Variants in BANK1 observed in about 807,000 individuals in gnomAD.
BANK1 encodes the protein B cell scaffold protein with ankyrin repeats 1.
In BANK1, 95 loss-of-function variants were observed where a neutral mutation model predicts 94.5. The observed-to-expected ratio is 1.00, with a 90% CI of 0.85 to 1.19. The LOEUF is 1.19. Among genes scored for constraint, BANK1 ranks in the 50% most tolerant of loss-of-function variants. BANK1 has a pLI of 0.00. For missense variants in BANK1, 987 were observed against 932.2 expected (o/e 1.06, Z -0.77); for synonymous variants, 334 against 308.4 (o/e 1.08, Z -0.87).
rs191979547 is a variant in BANK1, at chr4:101,888,226, A to C, written c.904-7079A>C. Among the ~76,000 whole-genome samples, 5 of 152,362 alleles carry C rather than the reference A, an allele frequency of 3.3e-5. No individual in the cohort carries two copies. The East Asian group carries it at 7.7e-4, about 23-fold the overall frequency. Reference sequence around the variant, plus strand: ...TTCTTGGCCTACCTCCATTTATGGAAGCTAGAAAGACCAGATTCCAACATT... The same window carrying C: ...TTCTTGGCCTACCTCCATTTATGGACGCTAGAAAGACCAGATTCCAACATT... On this transcript the variant is annotated intron_variant, in intron 5 of 16. Transcript: ENST00000322953.
chr4:101,894,516 A>T (rs1373223446), intron 5 of BANK1, among the ~76,000 whole-genome samples: 1 of 151,986 alleles, frequency 6.6e-6, no homozygotes, highest in Non-Finnish European at 1.5e-5. Context: ...GACAATATTT[A>T]TAGTTTTATT....
chr4:101,860,130 A>G (rs1196409699), intron 3 of BANK1, among the ~76,000 whole-genome samples: 1 of 152,246 alleles, frequency 6.6e-6, no homozygotes, highest in Non-Finnish European at 1.5e-5. Context: ...GGAATTAAAT[A>G]TCATGCCAAC....
chr4:101,959,854 G>T (rs577661246), intron 7 of BANK1, among the ~76,000 whole-genome samples: 18 of 152,204 alleles, frequency 1.2e-4, no homozygotes, highest in African/African-American at 4.3e-4. Flanking sequence ...CATGAATTAT[G>T]GTTTAAGTTG....
chr4:102,037,765 T>C (rs1042555179), intron 10 of BANK1, among the ~76,000 whole-genome samples: 3 of 152,218 alleles, frequency 2.0e-5, no homozygotes, highest in Non-Finnish European at 4.4e-5. Flanking sequence ...TCACAGGGTT[T>C]TCATGAGAAC....
intron 2 of BANK1, among the ~76,000 whole-genome samples, chr4:101,835,165 T>C (rs1269389005): frequency 1.3e-5 from 2 of 152,236 alleles, no homozygotes. Flanking sequence ...TCTTTCCACA[T>C]TTATAGGCTT....
chr4:101,928,748 G>A (rs967724692), intron 7 of BANK1, among the ~76,000 whole-genome samples: 14 of 151,764 alleles, frequency 9.2e-5, no homozygotes, highest in Non-Finnish European at 1.6e-4. Context: ...GTTCATTACT[G>A]CAGTATTGGA....
Position 101,829,374 on chromosome 4 carries a change from T to A in BANK1, c.71-434T>A, listed in dbSNP as rs543575836. On this transcript the variant is annotated intron_variant, in intron 1 of 16. Coordinates refer to ENST00000322953, the MANE Select transcript of BANK1 (RefSeq NM_017935.5). ...TTTCTGTTTTTGACTCTCAACTAAA[T>A]ATATCGTATTTTCAACAATTGTGTT... is the stretch of plus-strand genomic sequence containing the variant. Among the ~76,000 whole-genome samples the A allele has an allele frequency of 5.5e-4, 83 of 152,224 alleles. 1 individual carries two copies. The South Asian group carries it at 8.7e-3, about 16-fold the overall frequency.
At chr4:102,014,012 G>T (rs1344959707) in intron 7 of BANK1, among the ~76,000 whole-genome samples, 8 of 152,048 alleles carry the variant, frequency 5.3e-5, no homozygotes, top group Non-Finnish European at 2.9e-5. Flanking sequence ...CATCCAGAGA[G>T]GCCAAGAGAG....
intron 7 of BANK1, among the ~76,000 whole-genome samples, chr4:101,997,477 A>G (rs888753722): frequency 5.9e-5 from 9 of 151,830 alleles, no homozygotes; most frequent in South Asian, 4.2e-4. Context: ...CTCTTTTTCT[A>G]TTGTGTGGAA....
chr4:101,920,278 A>T (rs1339542770), intron 7 of BANK1, among the ~76,000 whole-genome samples: 1 of 151,948 alleles, frequency 6.6e-6, no homozygotes, highest in Non-Finnish European at 1.5e-5. Flanking sequence ...ATAAATGATG[A>T]GTTAATGGGT....
intron 10 of BANK1, among the ~76,000 whole-genome samples, chr4:102,037,508 T>A (rs1727547960): frequency 6.6e-6 from 1 of 152,196 alleles, no homozygotes; most frequent in South Asian, 2.1e-4. Flanking sequence ...CACGTGATTC[T>A]TTGTAATCTA....
chr4:101,854,423 A>C (rs903078893), intron 2 of BANK1, among the ~76,000 whole-genome samples: 1 of 152,214 alleles, frequency 6.6e-6, no homozygotes, highest in Admixed American at 6.5e-5. Flanking sequence ...AATTTACATT[A>C]GCATATTTCA....
intron 5 of BANK1, among the ~76,000 whole-genome samples, chr4:101,883,651 G>A (rs1434685448): frequency 6.6e-6 from 1 of 152,212 alleles, no homozygotes; most frequent in Admixed American, 6.5e-5. Context: ...GTGTGCTGAT[G>A]TGAGTGCTGC....
At chr4:101,936,538 A>G (rs1268199180) in intron 7 of BANK1, among the ~76,000 whole-genome samples, 1 of 150,576 alleles carries the variant, frequency 6.6e-6, no homozygotes, top group Non-Finnish European at 1.5e-5. Flanking sequence ...ATAAGATGAT[A>G]CACATACACG....
chr4:101,816,952 G>T (rs1265963316), intron 1 of BANK1, among the ~76,000 whole-genome samples: 2 of 152,130 alleles, frequency 1.3e-5, no homozygotes, highest in African/African-American at 4.8e-5. Context: ...AATCTCAGGG[G>T]TATGTGTTGT....
At chr4:101,917,857 A>T (rs1722876999) in intron 6 of BANK1, 136 bp from the exon 7 acceptor site, 1 of 502,932 alleles carries the variant, frequency 2.0e-6, no homozygotes, top group African/African-American at 1.9e-5. Flanking sequence ...AATTTCTAGA[A>T]CTATTGATAG....
chr4:102,072,125 G>T (rs1258945070), intron 14 of BANK1, among the ~76,000 whole-genome samples: 1 of 152,222 alleles, frequency 6.6e-6, no homozygotes, highest in South Asian at 2.1e-4. Context: ...AGTGACTCCT[G>T]TAGGTCCTCA....
rs116579250 is a variant in BANK1 at position 101,978,243 on chromosome 4, T to C, written c.1207-43271T>C. On this transcript the variant is annotated intron_variant, in intron 7 of 16. Transcript: ENST00000322953. ...ATCAGAAAATGATGAACTTTATTTT[T>C]AGAATCACAGTATTTTAAAGCAGTT... is the stretch of plus-strand genomic sequence containing the variant. Among the ~76,000 whole-genome samples the C allele has an allele frequency of 3.4e-3, 521 of 152,252 alleles. 3 individuals are homozygous for C. The highest frequency in any genetic ancestry group is 0.012 in the African/African-American group (501 of 41,560).
At chr4:101,816,812 A>G (rs1370051574) in intron 1 of BANK1, among the ~76,000 whole-genome samples, 1 of 152,204 alleles carries the variant, frequency 6.6e-6, no homozygotes, top group African/African-American at 2.4e-5. Context: ...ATTAATGGCC[A>G]GTTAGACTAC....
Sources: allele counts gnomAD v4.1 joint callset (sites outside exome capture counted in the v4.1 genomes callset), GRCh38; gene constraint gnomAD v4.1.1; transcripts MANE v1.5; gene names NCBI Gene and HGNC (gene_info 2026-07-23, HGNC 2026-07-21).